Variants in FGD4 observed in about 807,000 individuals in gnomAD.
The protein encoded by FGD4 is FYVE, RhoGEF and PH domain containing 4.
FGD4 carries 42 observed loss-of-function variants against 102.0 expected under a neutral mutation model. The observed-to-expected ratio is 0.41, with a 90% confidence interval of 0.32 to 0.53. FGD4 has a LOEUF of 0.53. Ranked by LOEUF, FGD4 falls within the 20% of genes least tolerant of loss-of-function variation. FGD4 has a pLI of 0.21. For synonymous variants in FGD4, 380 were observed against 375.7 expected (o/e 1.01, Z -0.13); for missense variants, 902 against 1,078.2 (o/e 0.84, Z 2.29).
intron 15 of FGD4, 58 bp downstream of exon 15, chr12:32,633,747 GCT>G: frequency 6.8e-7 from 1 of 1,469,256 alleles, no homozygotes; most frequent in Non-Finnish European, 9.3e-7. Flanking sequence ...ACGGACTCTC[GCT>G]CTGTCACCCA....
At chr12:32,511,315 A>T (rs1592057341) in intron 1 of FGD4, 1 of 152,062 alleles carries the variant, frequency 6.6e-6, no homozygotes, top group Admixed American at 6.6e-5. Context: ...TCGGTGTGAT[A>T]TATATATATT....
At chr12:32,595,440 A>G (rs914925297) in intron 4 of FGD4, among the ~76,000 whole-genome samples, 1 of 152,124 alleles carries the variant, frequency 6.6e-6, no homozygotes, top group Non-Finnish European at 1.5e-5. Flanking sequence ...AAGCCTCCAT[A>G]TACTCTCATT....
rs1049521976 is a variant in FGD4, at chr12:32,506,446, G to A, written c.167-57691G>A. Among the ~76,000 whole-genome samples the A allele has an allele frequency of 1.1e-4, 16 of 152,134 alleles. No individual in the cohort carries two copies. The highest frequency in any genetic ancestry group is 9.8e-4 in the Admixed American group (15 of 15,268). On this transcript the variant is annotated intron_variant, in intron 1 of 16. Coordinates refer to ENST00000534526, the MANE Select transcript of FGD4 (RefSeq NM_001370298.3). The surrounding 1 kb of genome is among the most constrained non-coding windows in gnomAD (Gnocchi z 4.5). ...AGTCACTGTGGATCCCAAAGCAGGT[G>A]GGGGAGGGAGGAGCCTGAGGAACGA...
At chr12:32,413,927 A>G (rs1941300600) in intron 1 of FGD4, among the ~76,000 whole-genome samples, 1 of 150,414 alleles carries the variant, frequency 6.6e-6, no homozygotes, top group Admixed American at 6.6e-5. Context: ...GGACAGAAAG[A>G]TAACTGAGAG....
Position 32,601,376 on chromosome 12 carries a change from C to A in FGD4, c.1200C>A (p.Phe400Leu). Reference protein sequence around the residue: ...IFSNISSINAFHSKFLLPELE... With the variant: ...IFSNISSINALHSKFLLPELE... ...CTAATATTTCATCAATAAATGCCTTCCATAGTAAATTCCTCTTGCCAGAGC... is the reference window on the plus strand; with the variant it reads ...CTAATATTTCATCAATAAATGCCTTACATAGTAAATTCCTCTTGCCAGAGC... The change falls in exon 6 of 17, where the codon TTC (phenylalanine) becomes TTA (leucine). Residue 400 changes from phenylalanine to leucine, a missense_variant. By Grantham distance (22) the Phe-to-Leu change is conservative. Transcript: ENST00000534526. 6.2e-7 allele frequency: 1 copy of A among 1,614,066 alleles called. No homozygotes were observed. Among genetic ancestry groups the A allele is most frequent in the Non-Finnish European group, 8.5e-7 (1 of 1,180,000 alleles).
intron 1 of FGD4, among the ~76,000 whole-genome samples, chr12:32,473,392 C>T (rs1054703889): frequency 6.6e-6 from 1 of 152,056 alleles, no homozygotes; most frequent in Non-Finnish European, 1.5e-5. Flanking sequence ...CTGAGTCCAG[C>T]GAGCCCAGGA....
At chr12:32,554,775 C>CG (rs939363743) in intron 1 of FGD4, among the ~76,000 whole-genome samples, 2 of 152,168 alleles carry the variant, frequency 1.3e-5, no homozygotes, top group Non-Finnish European at 2.9e-5. Context: ...TCAAAATAAT[C>CG]GGGGGGAAGA....
chr12:32,406,380 C>G (rs1591839058), intron 1 of FGD4, among the ~76,000 whole-genome samples: 1 of 151,810 alleles, frequency 6.6e-6, no homozygotes, highest in South Asian at 2.1e-4. Flanking sequence ...ATGGTGAAAC[C>G]CTGTCTCTAC....
rs142112890 is a variant in FGD4, at chr12:32,424,806, T to C, written c.166+24847T>C. Among the ~76,000 whole-genome samples the C allele has an allele frequency of 1.1e-3, 164 of 152,374 alleles. 1 individual carries two copies. Among genetic ancestry groups the C allele is most frequent in the African/African-American group, 3.7e-3 (154 of 41,588 alleles). On this transcript the variant is annotated intron_variant, in intron 1 of 16. Coordinates refer to ENST00000534526, the MANE Select transcript of FGD4 (RefSeq NM_001370298.3). ...TATCTCACTGTGGTTTTGATTTCCA[T>C]TTCTCTAATGACCAGTGATGATGAG...
intron 3 of FGD4, 179 bp from the exon 4 acceptor site, chr12:32,581,781 G>A: frequency 1.6e-6 from 1 of 632,692 alleles, no homozygotes. Context: ...ATTTAAATGT[G>A]GATAGCATCC....
intron 1 of FGD4, among the ~76,000 whole-genome samples, chr12:32,512,861 T>G (rs915831606): frequency 4.6e-5 from 7 of 152,226 alleles, no homozygotes; most frequent in Non-Finnish European, 1.0e-4. Context: ...TTTTATTGTT[T>G]GTAAACCTTG....
intron 1 of FGD4, among the ~76,000 whole-genome samples, chr12:32,482,157 T>A (rs1943785573): frequency 6.6e-6 from 1 of 152,232 alleles, no homozygotes; most frequent in African/African-American, 2.4e-5. Context: ...TTATATATTT[T>A]AATAAACAAA....
chr12:32,530,959 T>TTTTTTTTTG (rs1941748241), intron 1 of FGD4, among the ~76,000 whole-genome samples: 1 of 134,372 alleles, frequency 7.4e-6, no homozygotes, highest in Admixed American at 7.5e-5. Context: ...TTTTTTTTTT[T>TTTTTTTTTG]TTTTTTTTTT....
intron 1 of FGD4, among the ~76,000 whole-genome samples, chr12:32,453,175 AT>A (rs1942829811): frequency 4.5e-5 from 6 of 133,400 alleles, no homozygotes; most frequent in African/African-American, 1.6e-4. Flanking sequence ...ATATATCTAT[AT>A]TATATATATA....
Position 32,506,519 on chromosome 12 carries a change from T to C in FGD4, c.167-57618T>C, listed in dbSNP as rs1338324214. 6.6e-6 allele frequency among the ~76,000 whole-genome samples: 1 copy of C among 152,060 alleles called. No individual in the cohort carries two copies. The highest frequency in any genetic ancestry group is 1.5e-5 in the Non-Finnish European group (1 of 68,026). On this transcript the variant is annotated intron_variant, in intron 1 of 16. Transcript: ENST00000534526. The surrounding 1 kb of genome is among the most constrained non-coding windows in gnomAD (Gnocchi z 4.5). ...TCTGTCACCTGGGCAGCATCTAGCA[T>C]TCCTGTTGTGGGTTAGTACAACTTT...
At chr12:32,509,111 G>A (rs189921283) in intron 1 of FGD4, among the ~76,000 whole-genome samples, 6 of 152,162 alleles carry the variant, frequency 3.9e-5, no homozygotes, top group Admixed American at 6.5e-5. Flanking sequence ...AGATTTATCC[G>A]CATTGAAAAA....
chr12:32,466,867 C>CAAAAA (rs35375727), intron 1 of FGD4, among the ~76,000 whole-genome samples: 1 of 62,782 alleles, frequency 1.6e-5, no homozygotes, highest in Admixed American at 1.9e-4. Context: ...GAGTCTGTCT[C>CAAAAA]AAAAAAAAAA....
rs146887149 is a variant in FGD4 at position 32,472,146 on chromosome 12, C to T, written c.166+72187C>T. Among the ~76,000 whole-genome samples, 1,427 of 152,296 alleles carry T rather than the reference C, an allele frequency of 9.4e-3. 32 individuals carry two copies. Among genetic ancestry groups the T allele is most frequent in the African/African-American group, 0.033 (1,360 of 41,548 alleles). ...GTGTGCTGGCAGTCCTCAGAGCCCTCGCTTGCTCTCGGCACCTCCCCTGCC... is the reference window on the plus strand; with the variant it reads ...GTGTGCTGGCAGTCCTCAGAGCCCTTGCTTGCTCTCGGCACCTCCCCTGCC... On this transcript the variant is annotated intron_variant, in intron 1 of 16. Transcript: ENST00000534526.
Position 32,600,583 on chromosome 12 carries a change from TC to T in FGD4, c.1102-694del, listed in dbSNP as rs1565891577. 2,255 of 363,762 alleles carry T rather than the reference TC, an allele frequency of 6.2e-3. 57 individuals carry two copies. In the African/African-American group the frequency reaches 0.063, roughly 10 times the overall value. 22.5% of individuals were successfully genotyped at this position (363,762 alleles called of 1,614,324 possible). A position where few individuals can be genotyped will look rare whatever the true frequency, so the allele number is the denominator to read the frequency against. ...TGTTTTTTGTTTTTCTTTCTTTCTT[TC>T]TTTCTTTCTTTTTTTTTTTTTTGTC... On this transcript the variant is annotated intron_variant, in intron 5 of 16. Coordinates refer to ENST00000534526, the MANE Select transcript of FGD4 (RefSeq NM_001370298.3).
Sources: gnomAD v4.1 joint callset for allele counts (sites outside exome capture counted in the v4.1 genomes callset) on GRCh38, gnomAD v4.1.1 for gene constraint, Gnocchi (gnomAD v3.1) non-coding constraint, MANE v1.5 for transcripts, NCBI Gene and HGNC (gene_info 2026-07-23, HGNC 2026-07-21) for gene names.